The following GLP1R variants were observed in gnomAD, a reference collection of about 807,000 sequenced individuals.
The protein encoded by GLP1R is glucagon-like peptide 1 receptor.
A neutral mutation model predicts 68.4 loss-of-function variants in GLP1R; 32 were observed. The observed-to-expected ratio is 0.47, with a 90% confidence interval of 0.35 to 0.63. The LOEUF is 0.63. Among genes scored for constraint, GLP1R ranks in the 20% least tolerant of loss-of-function variants. The pLI is 0.00. For synonymous variants in GLP1R, 263 were observed against 244.4 expected (o/e 1.08, Z -0.71); for missense variants, 502 against 594.9 (o/e 0.84, Z 1.62).
chr6:39,061,477 T>A lies in GLP1R; in HGVS notation c.283+3898T>A, dbSNP rs1029157850. On this transcript the variant is annotated intron_variant, in intron 3 of 12. Coordinates refer to ENST00000373256, the MANE Select transcript of GLP1R (RefSeq NM_002062.5). ...TTTAAAAATAACCTATAACTCACAG[T>A]TCTTGGAAACTCTGGCGGGTGCCTC... is the stretch of plus-strand genomic sequence containing the variant. Among the ~76,000 whole-genome samples, 4 of 152,172 alleles carry A rather than the reference T, an allele frequency of 2.6e-5. No individual in the cohort carries two copies. The South Asian group carries it at 6.2e-4, about 24-fold the overall frequency.
At chr6:39,052,221 G>A (rs995905086) in intron 1 of GLP1R, among the ~76,000 whole-genome samples, 45 of 151,940 alleles carry the variant, frequency 3.0e-4, no homozygotes, top group Admixed American at 2.2e-3. Context: ...GATATCTAAA[G>A]CCCTTAGGGA....
chr6:39,064,203 C>T (rs1284408626), intron 3 of GLP1R, among the ~76,000 whole-genome samples: 3 of 151,910 alleles, frequency 2.0e-5, no homozygotes, highest in African/African-American at 7.3e-5. Flanking sequence ...TGGGGTTTCA[C>T]CATGTTGCCC....
chr6:39,056,336 T>G, intron 1 of GLP1R, 61 bp from the exon 2 acceptor site: 1 of 833,772 alleles, frequency 1.2e-6, no homozygotes, highest in Non-Finnish European at 2.0e-6. Flanking sequence ...TGTTAGGGGG[T>G]GAGGGGGCAG....
chr6:39,079,309 C>A lies in GLP1R; in HGVS notation c.1043+109C>A. Reference sequence around the variant, plus strand: ...ATGCTTAGCTTAGAGCCCTACACTACCCTCTCCTTCCACCCAGGCCTGGCC... The same window carrying A: ...ATGCTTAGCTTAGAGCCCTACACTAACCTCTCCTTCCACCCAGGCCTGGCC... On this transcript the variant is annotated intron_variant, in intron 10 of 12. Coordinates refer to ENST00000373256, the MANE Select transcript of GLP1R (RefSeq NM_002062.5). The surrounding 1 kb of genome is among the most constrained non-coding windows in gnomAD (Gnocchi z 4.5). 1.1e-6 allele frequency: 1 copy of A among 898,622 alleles called. No homozygotes were observed. The allele number at this position is 898,622 out of a possible 1,614,324, so 55.7% of individuals were successfully genotyped here. A position where few individuals can be genotyped will look rare whatever the true frequency, so the allele number is the denominator to read the frequency against.
intron 3 of GLP1R, among the ~76,000 whole-genome samples, chr6:39,062,489 G>T (rs1331349998): frequency 1.3e-5 from 2 of 152,218 alleles, no homozygotes; most frequent in Non-Finnish European, 2.9e-5. Flanking sequence ...GGGACACAGT[G>T]ATCCTTTGAC....
chr6:39,089,166 C>A lies in GLP1R; in HGVS notation c.*3093C>A, dbSNP rs1769218256. 6.6e-6 allele frequency among the ~76,000 whole-genome samples: 1 copy of A among 152,318 alleles called. No homozygotes were observed. Among genetic ancestry groups the A allele is most frequent in the South Asian group, 2.1e-4 (1 of 4,824 alleles). ...CTTTCCTATTTTTACACTGGTACTT[C>A]ATTCATCCTTGTCTTAAACTTAAGA... On this transcript the variant is annotated 3_prime_UTR_variant, in exon 13 of 13. Coordinates refer to ENST00000373256, the MANE Select transcript of GLP1R (RefSeq NM_002062.5). This position sits in a 1 kb window ranked among gnomAD's most constrained non-coding sequence, Gnocchi z 4.1.
Position 39,086,299 on chromosome 6 carries a change from T to G in GLP1R, c.*226T>G, listed in dbSNP as rs1255649541. ...ACATTTTCTCCTAGGAGAAGCAGCC[T>G]CCTAATTTGATCACAGTGGCGAGAG... is the stretch of plus-strand genomic sequence containing the variant. On this transcript the variant is annotated 3_prime_UTR_variant, in exon 13 of 13. Transcript: ENST00000373256. This position sits in a 1 kb window ranked among gnomAD's most constrained non-coding sequence, Gnocchi z 4.5. 1 of 477,806 alleles carries G rather than the reference T, an allele frequency of 2.1e-6. No homozygotes were observed. Among genetic ancestry groups the G allele is most frequent in the African/African-American group, 2.0e-5 (1 of 51,184 alleles). The allele number at this position is 477,806 out of a possible 1,614,324, so 29.6% of individuals were successfully genotyped here.
intron 5 of GLP1R, among the ~76,000 whole-genome samples, chr6:39,071,141 T>A (rs1301585208): frequency 2.0e-5 from 3 of 151,886 alleles, no homozygotes; most frequent in African/African-American, 7.3e-5. Context: ...GGTCAGGAGA[T>A]CGAGACCATC....
At chr6:39,054,118 A>C (rs1768154948) in intron 1 of GLP1R, among the ~76,000 whole-genome samples, 2 of 147,284 alleles carry the variant, frequency 1.4e-5, no homozygotes, top group Admixed American at 6.8e-5. Flanking sequence ...TGCCCCAACC[A>C]CTCCCTGAAC....
rs1769260675 is a variant in GLP1R at position 39,090,722 on chromosome 6, A to G, written c.*4649A>G. On this transcript the variant is annotated 3_prime_UTR_variant, in exon 13 of 13. Coordinates refer to ENST00000373256, the MANE Select transcript of GLP1R (RefSeq NM_002062.5). ...CAGCCTAGACAATGTAGCATGACTA[A>G]TTATTGCTGTGTCAAAGCAATTCAG... Among the ~76,000 whole-genome samples, 1 of 152,196 alleles carries G rather than the reference A, an allele frequency of 6.6e-6. No homozygotes were observed. Among genetic ancestry groups the G allele is most frequent in the South Asian group, 2.1e-4 (1 of 4,826 alleles).
At chr6:39,055,521 A>G (rs1475963578) in intron 1 of GLP1R, among the ~76,000 whole-genome samples, 1 of 152,194 alleles carries the variant, frequency 6.6e-6, no homozygotes, top group Non-Finnish European at 1.5e-5. Context: ...CTGAAAAGCC[A>G]TTTCGGTGAC....
At chr6:39,051,952 C>T (rs893330548) in intron 1 of GLP1R, among the ~76,000 whole-genome samples, 2 of 150,186 alleles carry the variant, frequency 1.3e-5, no homozygotes, top group African/African-American at 4.9e-5. Flanking sequence ...TCTATATGTG[C>T]AGGAGAGATA....
chr6:39,075,391 T>C (rs1768788926), intron 7 of GLP1R, among the ~76,000 whole-genome samples: 1 of 152,120 alleles, frequency 6.6e-6, no homozygotes, highest in Non-Finnish European at 1.5e-5. Flanking sequence ...TGTTAGTGCC[T>C]GTCACCATGG....
rs1768945070 is a variant in GLP1R at position 39,079,827 on chromosome 6, A to G, written c.1182+125A>G. The G allele has an allele frequency of 2.4e-6, 2 of 820,768 alleles. No individual in the cohort carries two copies. The highest frequency in any genetic ancestry group is 4.9e-5 in the Admixed American group (2 of 40,452). 50.8% of individuals were successfully genotyped at this position (820,768 alleles called of 1,614,324 possible). On this transcript the variant is annotated intron_variant, in intron 11 of 12. Transcript: ENST00000373256. The surrounding 1 kb of genome is among the most constrained non-coding windows in gnomAD (Gnocchi z 4.5). ...GACCTGGAGGGGTGATCCCTGCCCAAAGTCACCTAGTTGGAGCAGAGCCAG... is the reference window on the plus strand; with the variant it reads ...GACCTGGAGGGGTGATCCCTGCCCAGAGTCACCTAGTTGGAGCAGAGCCAG...
chr6:39,076,178 G>A (rs1321632944), intron 7 of GLP1R, among the ~76,000 whole-genome samples: 1 of 152,196 alleles, frequency 6.6e-6, no homozygotes, highest in Non-Finnish European at 1.5e-5. Flanking sequence ...GGGATACCCA[G>A]AAGGAAGCTT....
At position 39,055,318 on chromosome 6, in the gene GLP1R, C is replaced by T. The variant is rs10305428; in HGVS notation, c.79-1079C>T. 9.0e-3 allele frequency among the ~76,000 whole-genome samples: 1,365 copies of T among 152,344 alleles called. 63 individuals are homozygous for T. In the East Asian group the frequency reaches 0.13, roughly 15 times the overall value. ...TGTTTTAAATTATGTATGGGTCCTA[C>T]ATTTTATACATGGGGCTCTTGGGTC... On this transcript the variant is annotated intron_variant, in intron 1 of 12. Coordinates refer to ENST00000373256, the MANE Select transcript of GLP1R (RefSeq NM_002062.5).
In GLP1R at chr6:39,079,026, G is replaced by A. The variant is rs1214545255; in HGVS notation, c.954G>A (p.Gly318=). 6.2e-7 allele frequency: 1 copy of A among 1,613,610 alleles called. No homozygotes were observed. Among genetic ancestry groups the A allele is most frequent in the African/African-American group, 1.3e-5 (1 of 74,912 alleles). ...IIRLPILFAI[G]VNFLIFVRVI... ...GGCTGCCCATTCTCTTTGCCATTGG[G>A]GTGAGTGATGGTGTCAGGGATGGGA... The change falls in exon 9 of 13, where the codon GGG becomes GGA. Residue 318 remains glycine (G), a splice_region_variant and synonymous_variant. Transcript: ENST00000373256. The surrounding 1 kb of genome is among the most constrained non-coding windows in gnomAD (Gnocchi z 4.5).
intron 12 of GLP1R, among the ~76,000 whole-genome samples, chr6:39,082,524 C>T (rs1169624383): frequency 5.9e-5 from 9 of 152,148 alleles, no homozygotes; most frequent in African/African-American, 1.2e-4. Context: ...CCAGCGGCTC[C>T]GTTTGGAGGG....
At chr6:39,054,258 G>A (rs553290340) in intron 1 of GLP1R, among the ~76,000 whole-genome samples, 6 of 151,882 alleles carry the variant, frequency 4.0e-5, no homozygotes, top group South Asian at 2.1e-4. Context: ...CTCCACCCAC[G>A]ACCACCCAGA....
Sources: allele counts gnomAD v4.1 joint callset (sites outside exome capture counted in the v4.1 genomes callset), GRCh38; gene constraint gnomAD v4.1.1; non-coding constraint Gnocchi (gnomAD v3.1); transcripts MANE v1.5; gene names NCBI Gene and HGNC (gene_info 2026-07-23, HGNC 2026-07-21).